The following EXD3 variants were observed in gnomAD, a reference collection of about 807,000 sequenced individuals.
EXD3 encodes exonuclease 3'-5' domain containing 3.
Under a neutral mutation model 98.0 loss-of-function variants are expected in EXD3, and 92 were observed. The observed-to-expected ratio is 0.94, with a 90% CI of 0.79 to 1.12. The LOEUF (loss-of-function observed/expected upper bound fraction) is 1.12, where lower values mean the gene tolerates loss of function less well. EXD3 is among the 50% of genes most tolerant of loss of function. The pLI, the probability that EXD3 is intolerant of heterozygous loss-of-function variation, is 0.00. For synonymous variants in EXD3, 569 were observed against 526.0 expected (o/e 1.08, Z -1.12); for missense variants, 1,222 against 1,191.6 (o/e 1.03, Z -0.38).
At chr9:137,356,141 G>A (rs946803484) in intron 8 of EXD3, 127 bp downstream of exon 8, 26 of 687,320 alleles carry the variant, frequency 3.8e-5, no homozygotes, top group Non-Finnish European at 6.2e-5. Context: ...GCAGGGAGGG[G>A]CTCTCTGGGA....
intron 14 of EXD3, among the ~76,000 whole-genome samples, chr9:137,350,617 A>T (rs1834242863): frequency 1.0e-5 from 1 of 95,368 alleles, no homozygotes; most frequent in African/African-American, 4.0e-5. Context: ...AGGGTTCTAG[A>T]TAGAGAGGGG....
At chr9:137,366,679 A>G in intron 6 of EXD3, 47 bp from the exon 7 acceptor site, 1 of 1,529,354 alleles carries the variant, frequency 6.5e-7, no homozygotes, top group Non-Finnish European at 8.8e-7. Context: ...CACCTCAGCC[A>G]AAACCTGACT....
chr9:137,341,290 C>T (rs1833643938), intron 17 of EXD3, among the ~76,000 whole-genome samples: 3 of 152,182 alleles, frequency 2.0e-5, no homozygotes, highest in African/African-American at 7.2e-5. Flanking sequence ...ACACTCTAGC[C>T]AGACAGAATG....
At chr9:137,389,638 C>T (rs930759419) in intron 2 of EXD3, among the ~76,000 whole-genome samples, 15 of 151,964 alleles carry the variant, frequency 9.9e-5, no homozygotes, top group African/African-American at 2.7e-4. Context: ...GGTGCTGGGA[C>T]GCTCGGAGCG....
chr9:137,328,950 G>GA (rs1445604680), intron 17 of EXD3, among the ~76,000 whole-genome samples: 1 of 30,804 alleles, frequency 3.2e-5, no homozygotes. Context: ...GGCTACACGG[G>GA]GCTACACGGG....
intron 17 of EXD3, among the ~76,000 whole-genome samples, chr9:137,334,766 A>G (rs180685795): frequency 6.6e-6 from 1 of 152,340 alleles, no homozygotes; most frequent in Non-Finnish European, 1.5e-5. Flanking sequence ...CTGCACAGCA[A>G]AAGAAATAAT....
chr9:137,401,082 G>T (rs1300532135), intron 1 of EXD3, among the ~76,000 whole-genome samples: 1 of 151,998 alleles, frequency 6.6e-6, no homozygotes, highest in African/African-American at 2.4e-5. Context: ...GGATGACAGT[G>T]GCCTGCTTCT....
chr9:137,373,714 G>T, intron 3 of EXD3, 115 bp from the exon 4 acceptor site: 4 of 1,224,088 alleles, frequency 3.3e-6, no homozygotes, highest in South Asian at 1.6e-5. Context: ...GGTAGCTGTG[G>T]CCATTCAGCC....
At chr9:137,417,101 C>G (rs2131841152) in intron 1 of EXD3, among the ~76,000 whole-genome samples, 1 of 152,356 alleles carries the variant, frequency 6.6e-6, no homozygotes, top group South Asian at 2.1e-4. Context: ...GACCGAGCTC[C>G]CGGGCAAAGC....
At chr9:137,401,122 G>C (rs1294301524) in intron 1 of EXD3, among the ~76,000 whole-genome samples, 1 of 151,490 alleles carries the variant, frequency 6.6e-6, no homozygotes, top group African/African-American at 2.4e-5. Context: ...GTCCCAGTAG[G>C]GACTCTGTGT....
At chr9:137,354,855 A>G (rs1485665581) in intron 8 of EXD3, 82 bp from the exon 9 acceptor site, 12 of 1,386,536 alleles carry the variant, frequency 8.7e-6, no homozygotes, top group Non-Finnish European at 1.1e-5. Flanking sequence ...GGAGACGGGC[A>G]GAGGGGCTGC....
At chr9:137,334,494 T>C (rs1235864043) in intron 17 of EXD3, among the ~76,000 whole-genome samples, 2 of 152,026 alleles carry the variant, frequency 1.3e-5, no homozygotes, top group Non-Finnish European at 2.9e-5. Flanking sequence ...AAAGACACCC[T>C]ATCTAGTAAG....
At chr9:137,335,067 ACT>A (rs1833283969) in intron 17 of EXD3, among the ~76,000 whole-genome samples, 1 of 151,304 alleles carries the variant, frequency 6.6e-6, no homozygotes, top group South Asian at 2.1e-4. Flanking sequence ...ACAGAGCGAG[ACT>A]CTGTCTCAAA....
In EXD3 at chr9:137,405,267, G is replaced by A. The variant is rs1023916715; in HGVS notation, c.-47-9863C>T. On this transcript the variant is annotated intron_variant, in intron 1 of 21. Coordinates refer to ENST00000340951, the MANE Select transcript of EXD3 (RefSeq NM_017820.5). This position sits in a 1 kb window ranked among gnomAD's most constrained non-coding sequence, Gnocchi z 4.1. The stretch of plus-strand genomic sequence containing the variant: ...CACAGAGGGCTGGGCCAGCACCCCC[G>A]GGGGAAGGCGGTGGGCACCCAGGGC... 4.6e-5 allele frequency among the ~76,000 whole-genome samples: 7 copies of A among 152,086 alleles called. No individual in the cohort carries two copies. The highest frequency in any genetic ancestry group is 1.5e-4 in the African/African-American group (6 of 41,334).
At chr9:137,367,734 C>T (rs771308973) in intron 6 of EXD3, 17 of 552,258 alleles carry the variant, frequency 3.1e-5, no homozygotes, top group East Asian at 6.3e-5. Context: ...GGTTCGTGTA[C>T]GTGCGGCTGC....
chr9:137,340,301 AC>A (rs1833577233), intron 17 of EXD3, among the ~76,000 whole-genome samples: 1 of 151,932 alleles, frequency 6.6e-6, no homozygotes, highest in East Asian at 1.9e-4. Flanking sequence ...ACATGATGAA[AC>A]CTCATCTCTA....
chr9:137,377,344 C>G (rs904561791), intron 3 of EXD3: 34 of 151,540 alleles, frequency 2.2e-4, no homozygotes, highest in African/African-American at 8.0e-4. Context: ...ACTTGGGAGG[C>G]TGAGGCAGGA....
intron 1 of EXD3, among the ~76,000 whole-genome samples, chr9:137,420,772 A>C (rs956057429): frequency 1.5e-5 from 2 of 137,444 alleles, no homozygotes; most frequent in Admixed American, 1.5e-4. Context: ...TATTATACAT[A>C]CACTGTGATG....
At chr9:137,343,484 C>G (rs2119191145) in intron 17 of EXD3, 1 of 146,226 alleles carries the variant, frequency 6.8e-6, no homozygotes, top group South Asian at 2.3e-4. Flanking sequence ...CTTGTTATGT[C>G]AGAATCTGTG....
Sources: gnomAD v4.1 joint callset for allele counts (sites outside exome capture counted in the v4.1 genomes callset) on GRCh38, gnomAD v4.1.1 for gene constraint, Gnocchi (gnomAD v3.1) non-coding constraint, MANE v1.5 for transcripts, NCBI Gene and HGNC (gene_info 2026-07-23, HGNC 2026-07-21) for gene names.